NRG1: variants seen among roughly 807,000 people sequenced by gnomAD.
The protein encoded by NRG1 is neuregulin 1.
A neutral mutation model predicts 63.8 loss-of-function variants in NRG1; 18 were observed. The ratio of observed to expected loss-of-function variants is 0.28; its 90% CI spans 0.19 to 0.42. The LOEUF (loss-of-function observed/expected upper bound fraction) is 0.42. NRG1 is among the 10% of genes least tolerant of loss of function. The probability of loss-of-function intolerance (pLI) is 1.00; values close to 1 mark genes in which losing one functional copy is unlikely to be tolerated. For synonymous variants in NRG1, 302 were observed against 301.3 expected (o/e 1.00, Z -0.02); for missense variants, 762 against 814.7 (o/e 0.94, Z 0.79).
At chr8:31,987,908 A>T (rs1810372927) in intron 1 of NRG1, among the ~76,000 whole-genome samples, 1 of 152,126 alleles carries the variant, frequency 6.6e-6, no homozygotes, top group Non-Finnish European at 1.5e-5. Flanking sequence ...AGGTTAAGGC[A>T]TCAAGAGATA....
chr8:32,107,915 G>A (rs938800489), intron 1 of NRG1, among the ~76,000 whole-genome samples: 5 of 152,082 alleles, frequency 3.3e-5, no homozygotes, highest in Non-Finnish European at 1.5e-5. Flanking sequence ...AGCTATGAAA[G>A]GAATGATCCT....
intron 1 of NRG1, among the ~76,000 whole-genome samples, chr8:31,714,717 C>T (rs78791971): frequency 6.6e-6 from 1 of 152,116 alleles, no homozygotes. Context: ...TGTCTATCAC[C>T]TTATCTAGTA....
chr8:32,312,153 G>GTTTTTTT lies in NRG1; in HGVS notation c.38-283672_38-283671insTTTTTTT, dbSNP rs767575805. Reference sequence around the variant, plus strand: ...AGCCCTACATTCATTATTTGACCTTGTTTGTTTTTTTTTTTTTTTTTTTTT... The same window carrying GTTTTTTT: ...AGCCCTACATTCATTATTTGACCTTGTTTTTTTTTTGTTTTTTTTTTTTTTTTTTTTT... On this transcript the variant is annotated intron_variant, in intron 1 of 10. Transcript: ENST00000519301. 3.2e-4 allele frequency among the ~76,000 whole-genome samples: 31 copies of GTTTTTTT among 98,234 alleles called. 2 individuals carry two copies. Among genetic ancestry groups the GTTTTTTT allele is most frequent in the African/African-American group, 6.1e-4 (16 of 26,430 alleles). 64.4% of individuals were successfully genotyped at this position (98,234 alleles called of 152,430 possible).
chr8:32,719,997 T>A (rs1181401852), intron 5 of NRG1, among the ~76,000 whole-genome samples: 4 of 152,164 alleles, frequency 2.6e-5, no homozygotes, highest in Non-Finnish European at 4.4e-5. Context: ...TGACTTTTAT[T>A]TGTTGATGTG....
At chr8:31,803,685 T>C (rs1822006292) in intron 1 of NRG1, among the ~76,000 whole-genome samples, 1 of 152,218 alleles carries the variant, frequency 6.6e-6, no homozygotes, top group South Asian at 2.1e-4. Context: ...AAAAGTATAA[T>C]TTGATCATTA....
chr8:32,160,080 G>A (rs1838659861), intron 1 of NRG1, among the ~76,000 whole-genome samples: 1 of 152,164 alleles, frequency 6.6e-6, no homozygotes, highest in African/African-American at 2.4e-5. Context: ...GCCTAGTGGG[G>A]AGAAATAGTG....
chr8:31,664,907 A>G (rs1806369461), intron 1 of NRG1, among the ~76,000 whole-genome samples: 1 of 152,240 alleles, frequency 6.6e-6, no homozygotes, highest in African/African-American at 2.4e-5. Context: ...ATGTGGAGAC[A>G]CCCAGACCTT....
At chr8:31,696,138 G>C (rs957581476) in intron 1 of NRG1, among the ~76,000 whole-genome samples, 1 of 152,130 alleles carries the variant, frequency 6.6e-6, no homozygotes, top group Non-Finnish European at 1.5e-5. Context: ...TGCTATCTTG[G>C]CTCACTGCAA....
chr8:31,743,565 TGTGTGTGTGG>T (rs1428840378), intron 1 of NRG1, among the ~76,000 whole-genome samples: 1 of 139,576 alleles, frequency 7.2e-6, no homozygotes, highest in Non-Finnish European at 1.5e-5. Flanking sequence ...TTAATATGTG[TGTGTGTGTGG>T]GTGTGTGTGT....
chr8:32,015,591 C>G (rs1311427049), intron 1 of NRG1, among the ~76,000 whole-genome samples: 1 of 152,088 alleles, frequency 6.6e-6, no homozygotes, highest in African/African-American at 2.4e-5. Flanking sequence ...TAGTGCAACC[C>G]CCAACCTGAA....
chr8:31,885,142 G>A (rs1023308809), intron 1 of NRG1, among the ~76,000 whole-genome samples: 2 of 152,044 alleles, frequency 1.3e-5, no homozygotes, highest in East Asian at 1.9e-4. Context: ...GTATGATTTC[G>A]ATAAGGCCTA....
intron 1 of NRG1, among the ~76,000 whole-genome samples, chr8:32,047,373 T>C (rs750882924): frequency 6.6e-6 from 1 of 152,006 alleles, no homozygotes; most frequent in South Asian, 2.1e-4. Flanking sequence ...TATAAAAAGA[T>C]AAAGGCAGCT....
At chr8:31,852,945 G>A (rs1473670272) in intron 1 of NRG1, among the ~76,000 whole-genome samples, 3 of 151,872 alleles carry the variant, frequency 2.0e-5, no homozygotes, top group Non-Finnish European at 4.4e-5. Context: ...ATTTCTGAGG[G>A]CTCTGTTCTG....
intron 1 of NRG1, among the ~76,000 whole-genome samples, chr8:31,923,369 T>G (rs1834071793): frequency 6.6e-6 from 1 of 152,162 alleles, no homozygotes; most frequent in Admixed American, 6.5e-5. Flanking sequence ...ATGAGTGTAT[T>G]TGTGTGTATA....
At chr8:32,044,300 G>A (rs898742627) in intron 1 of NRG1, among the ~76,000 whole-genome samples, 6 of 151,706 alleles carry the variant, frequency 4.0e-5, no homozygotes, top group Non-Finnish European at 5.9e-5. Flanking sequence ...ATCAAAATAC[G>A]TGAAGTAGAA....
At chr8:32,510,465 A>G (rs1410246314) in intron 1 of NRG1, among the ~76,000 whole-genome samples, 1 of 152,186 alleles carries the variant, frequency 6.6e-6, no homozygotes, top group Non-Finnish European at 1.5e-5. Context: ...AGAGAAGGTG[A>G]GAAGATGAAG....
chr8:31,649,702 A>G (rs1039775925), intron 1 of NRG1, among the ~76,000 whole-genome samples: 1 of 152,246 alleles, frequency 6.6e-6, no homozygotes, highest in Non-Finnish European at 1.5e-5. Flanking sequence ...AGAAATAAAA[A>G]CAATGAAAGA....
intron 1 of NRG1, among the ~76,000 whole-genome samples, chr8:31,795,715 C>T (rs1821138949): frequency 6.6e-6 from 1 of 152,004 alleles, no homozygotes; most frequent in Admixed American, 6.6e-5. Flanking sequence ...TTTATTTATT[C>T]AACAAATATG....
intron 1 of NRG1, among the ~76,000 whole-genome samples, chr8:32,358,499 T>C (rs1222536121): frequency 2.7e-5 from 4 of 150,884 alleles, no homozygotes; most frequent in African/African-American, 9.8e-5. Context: ...GTGAGCAAGG[T>C]ATAGGAAAGT....
Sources: allele counts gnomAD v4.1 joint callset (sites outside exome capture counted in the v4.1 genomes callset), GRCh38; gene constraint gnomAD v4.1.1; transcripts MANE v1.5; gene names NCBI Gene and HGNC (gene_info 2026-07-23, HGNC 2026-07-21).